Variants in SENP3 observed in about 807,000 individuals in gnomAD.
SENP3 encodes sentrin-specific protease 3.
Under a neutral mutation model 66.2 loss-of-function variants are expected in SENP3, and 11 were observed. The observed-to-expected ratio is 0.17, with a 90% CI of 0.10 to 0.28. The LOEUF (loss-of-function observed/expected upper bound fraction) is 0.28, where lower values mean the gene tolerates loss of function less well. Among genes scored for constraint, SENP3 ranks in the 10% least tolerant of loss-of-function variants. The pLI is 1.00. For missense variants in SENP3, 548 were observed against 743.7 expected, an observed-to-expected ratio of 0.74 and a Z score of 3.06; for synonymous variants, 292 against 277.6, an observed-to-expected ratio of 1.05 and a Z score of -0.52.
At position 7,570,992 on chromosome 17, in the gene SENP3, G is replaced by T; in HGVS notation, c.1614+59G>T. 6.7e-7 allele frequency: 1 copy of T among 1,503,344 alleles called. No individual in the cohort carries two copies. Among genetic ancestry groups the T allele is most frequent in the Non-Finnish European group, 9.1e-7 (1 of 1,093,446 alleles). 93.1% of individuals were successfully genotyped at this position (1,503,344 alleles called of 1,614,324 possible). A position where few individuals can be genotyped will look rare whatever the true frequency, so the allele number is the denominator to read the frequency against. On this transcript the variant is annotated intron_variant, in intron 10 of 10. Transcript: ENST00000321337. This position sits in a 1 kb window ranked among gnomAD's most constrained non-coding sequence, Gnocchi z 5.4. Reference sequence around the variant, plus strand: ...TGAAGTCAGTTGGGTTAAAGGGTCGGGAGGCTGTTATGCATCCCCTCATTT... The same window carrying T: ...TGAAGTCAGTTGGGTTAAAGGGTCGTGAGGCTGTTATGCATCCCCTCATTT...
rs1235119850 is a variant in SENP3 at position 7,570,456 on chromosome 17, T to G, written c.1442T>G (p.Phe481Cys). 6.2e-7 allele frequency: 1 copy of G among 1,613,546 alleles called. No homozygotes were observed. The highest frequency in any genetic ancestry group is 1.3e-5 in the African/African-American group (1 of 74,918). ...VDVRRRTITY[F>C]DSQRTLNRRC... is the part of the protein sequence containing the mutation. ...GTGAGGCGACGCACCATCACCTATT[T>G]TGACTCGCAGCGTACCCTAAACCGC... Residue 481 changes from phenylalanine to cysteine, a missense_variant, in exon 8 of 11, where the codon TTT becomes TGT. Phe to Cys is a radical substitution (Grantham distance 205). Around this residue, in one of 6 missense-constraint regions of SENP3, gnomAD observed 81 missense variants for 139.8 expected, o/e 0.58. Coordinates refer to ENST00000321337, the MANE Select transcript of SENP3 (RefSeq NM_015670.6). This position sits in a 1 kb window ranked among gnomAD's most constrained non-coding sequence, Gnocchi z 5.4.
At position 7,562,223 on chromosome 17, in the gene SENP3, C is replaced by T. The variant is rs943947158; in HGVS notation, c.-52C>T. On this transcript the variant is annotated 5_prime_UTR_variant, in exon 1 of 11. In the 5' UTR this introduces an upstream ATG that the reference lacks. Transcript: ENST00000321337. The surrounding 1 kb of genome is among the most constrained non-coding windows in gnomAD (Gnocchi z 5.0). ...GAGCCGGGAAGCTTGAGGCCGGAGA[C>T]GCCCGCCTTCGGGCCCGTCCGCCCG... is the stretch of plus-strand genomic sequence containing the variant. The T allele has an allele frequency of 4.3e-5, 17 of 398,474 alleles. No individual in the cohort carries two copies. The highest frequency in any genetic ancestry group is 6.2e-5 in the Non-Finnish European group (14 of 226,004). 24.7% of individuals were successfully genotyped at this position (398,474 alleles called of 1,614,324 possible). A position where few individuals can be genotyped will look rare whatever the true frequency, so the allele number is the denominator to read the frequency against.
intron 7 of SENP3, among the ~76,000 whole-genome samples, chr17:7,569,241 C>T (rs1007598824): frequency 4.0e-5 from 6 of 151,788 alleles, no homozygotes; most frequent in African/African-American, 1.5e-4. Flanking sequence ...AAAAATTAGC[C>T]GGGCGAGGTG....
In SENP3 at chr17:7,563,409, C is replaced by T. The variant is rs1329349125; in HGVS notation, c.333C>T (p.Pro111=). 1.5e-6 allele frequency: 1 copy of T among 676,952 alleles called. No homozygotes were observed. Among genetic ancestry groups the T allele is most frequent in the Non-Finnish European group, 2.4e-6 (1 of 410,970 alleles). 41.9% of individuals were successfully genotyped at this position (676,952 alleles called of 1,614,324 possible). ...RWSQLGTSQR[P]RPSRPTHRKT... Reference sequence around the variant, plus strand: ...GTCAGCTGGGAACCTCCCAGCGGCCCCGCCCTTCCCGCCCCACTCATCGAA... The same window carrying T: ...GTCAGCTGGGAACCTCCCAGCGGCCTCGCCCTTCCCGCCCCACTCATCGAA... Residue 111 remains proline (P), a synonymous_variant, in exon 2 of 11, where the codon CCC becomes CCT. Transcript: ENST00000321337.
At chr17:7,564,048 C>T (rs2071247104) in intron 2 of SENP3, among the ~76,000 whole-genome samples, 1 of 152,092 alleles carries the variant, frequency 6.6e-6, no homozygotes, top group South Asian at 2.1e-4. Context: ...TGGTCTTGAG[C>T]GCAGATGAGA....
In SENP3 at chr17:7,562,806, G is replaced by A. The variant is rs2071230662; in HGVS notation, c.-11-260G>A. On this transcript the variant is annotated intron_variant, in intron 1 of 10. Coordinates refer to ENST00000321337, the MANE Select transcript of SENP3 (RefSeq NM_015670.6). This position sits in a 1 kb window ranked among gnomAD's most constrained non-coding sequence, Gnocchi z 5.0. The stretch of plus-strand genomic sequence containing the variant: ...TGGCAGTGCTATTGGGTTTGGCCTG[G>A]TGATCTTAGAAATAAGATCTCTGAG... 6.6e-6 allele frequency among the ~76,000 whole-genome samples: 1 copy of A among 152,160 alleles called. No homozygotes were observed. Among genetic ancestry groups the A allele is most frequent in the Non-Finnish European group, 1.5e-5 (1 of 68,036 alleles).
rs2071329122 is a variant in SENP3 at position 7,571,918 on chromosome 17, T to TA, written c.*438dup. On this transcript the variant is annotated 3_prime_UTR_variant, in exon 11 of 11. Transcript: ENST00000321337. ...ATATATATATATATATAAAAATATA[T>TA]AAATGCCACGGTCCTGCTCTGGTCA... 1.7e-5 allele frequency: 1 copy of TA among 58,966 alleles called. No individual in the cohort carries two copies. Among genetic ancestry groups the TA allele is most frequent in the Non-Finnish European group, 3.4e-5 (1 of 29,216 alleles). 3.7% of individuals were successfully genotyped at this position (58,966 alleles called of 1,614,324 possible).
chr17:7,565,473 C>T lies in SENP3; in HGVS notation c.1101C>T (p.Tyr367=), dbSNP rs1430069440. Residue 367 remains tyrosine, a synonymous_variant, in exon 5 of 11, where the codon TAC becomes TAT. Transcript: ENST00000321337. ...TGGTGTTGCAGCTGATCCAGTCTTA[C>T]CAGCGGATGCCAGGCAATGCCATGG... ...KGLVLQLIQS[Y]QRMPGNAMVR... 9 of 1,613,802 alleles carry T rather than the reference C, an allele frequency of 5.6e-6. No individual in the cohort carries two copies. The highest frequency in any genetic ancestry group is 7.6e-6 in the Non-Finnish European group (9 of 1,179,830).
At chr17:7,567,880 C>T (rs183815427) in intron 7 of SENP3, among the ~76,000 whole-genome samples, 2 of 152,184 alleles carry the variant, frequency 1.3e-5, no homozygotes, top group South Asian at 2.1e-4. Context: ...TTTTAAACTC[C>T]TGTTTCAATG....
In SENP3 at chr17:7,566,918, T is replaced by C; in HGVS notation, c.1264-9T>C. Reference sequence around the variant, plus strand: ...AATTCCATTGAGCTTTTTTGTGTCATTGGCACAGGTGCATTTCTTCAATAG... The same window carrying C: ...AATTCCATTGAGCTTTTTTGTGTCACTGGCACAGGTGCATTTCTTCAATAG... On this transcript the variant is annotated splice_polypyrimidine_tract_variant and intron_variant, in intron 6 of 10. Transcript: ENST00000321337. The C allele has an allele frequency of 3.2e-6, 5 of 1,551,868 alleles. No individual in the cohort carries two copies. The highest frequency in any genetic ancestry group is 4.4e-6 in the Non-Finnish European group (5 of 1,144,440).
Position 7,570,815 on chromosome 17 carries a change from A to AG in SENP3, c.1563+53dup. 1.2e-6 allele frequency: 2 copies of AG among 1,602,740 alleles called. No homozygotes were observed. Among genetic ancestry groups the AG allele is most frequent in the Non-Finnish European group, 1.7e-6 (2 of 1,173,618 alleles). On this transcript the variant is annotated intron_variant, in intron 9 of 10. Transcript: ENST00000321337. The surrounding 1 kb of genome is among the most constrained non-coding windows in gnomAD (Gnocchi z 5.4). ...GGGTGTTGGTGGGGACAGTGGTAGA[A>AG]GGCAGAAATTGAAGTCCTACCCCTG...
chr17:7,566,866 A>G, intron 6 of SENP3, 61 bp from the exon 7 acceptor site: 2 of 1,191,694 alleles, frequency 1.7e-6, no homozygotes, highest in African/African-American at 1.5e-5. Flanking sequence ...AGGAGGGGAG[A>G]CTTAGTGGGA....
rs2150917490 is a variant in SENP3 at position 7,562,210 on chromosome 17, T to G, written c.-65T>G. The stretch of plus-strand genomic sequence containing the variant: ...TCGCCGGAGAGATGAGCCGGGAAGC[T>G]TGAGGCCGGAGACGCCCGCCTTCGG... On this transcript the variant is annotated 5_prime_UTR_variant, in exon 1 of 11. Transcript: ENST00000321337. This position sits in a 1 kb window ranked among gnomAD's most constrained non-coding sequence, Gnocchi z 5.0. The G allele has an allele frequency of 5.0e-6, 2 of 398,600 alleles. No individual in the cohort carries two copies. Among genetic ancestry groups the G allele is most frequent in the East Asian group, 7.1e-5 (2 of 28,066 alleles). 24.7% of individuals were successfully genotyped at this position (398,600 alleles called of 1,614,324 possible).
intron 2 of SENP3, 77 bp from the exon 3 acceptor site, chr17:7,564,548 T>G (rs2071252362): frequency 6.3e-7 from 1 of 1,574,986 alleles, no homozygotes; most frequent in Non-Finnish European, 8.6e-7. Flanking sequence ...TTTGCATGCA[T>G]GAGTCAACTG....
chr17:7,571,861 ATATATATATATATATATATATATATAT>A lies in SENP3; in HGVS notation c.*379_*405del, dbSNP rs1567731277. On this transcript the variant is annotated 3_prime_UTR_variant, in exon 11 of 11. Coordinates refer to ENST00000321337, the MANE Select transcript of SENP3 (RefSeq NM_015670.6). Reference sequence around the variant, plus strand: ...TTTATATATATATATATATATATATATATATATATATATATATATATATATATATATATATATATATATATATAAAAA... The same window carrying A: ...TTTATATATATATATATATATATATAATATATATATATATATATATAAAAA... The A allele has an allele frequency of 2.0e-4, 1 of 4,942 alleles. No individual in the cohort carries two copies. The highest frequency in any genetic ancestry group is 4.3e-4 in the African/African-American group (1 of 2,302). 0.3% of individuals were successfully genotyped at this position (4,942 alleles called of 1,614,324 possible).
Position 7,563,176 on chromosome 17 carries a change from T to C in SENP3, c.100T>C (p.Trp34Arg), listed in dbSNP as rs757913619. The C allele has an allele frequency of 1.3e-6, 2 of 1,563,200 alleles. No homozygotes were observed. Among genetic ancestry groups the C allele is most frequent in the African/African-American group, 1.4e-5 (1 of 73,632 alleles). Reference protein sequence around the residue: ...YSSPRRERLRWPPPPKPRLKS... With the variant: ...YSSPRRERLRRPPPPKPRLKS... ...AAGTCCCAGGCGGGAGCGTCTTCGT[T>C]GGCCCCCACCTCCCAAACCCCGACT... The change falls in exon 2 of 11, where the codon TGG becomes CGG. Residue 34 changes from tryptophan to arginine, a missense_variant. Trp to Arg is a moderately radical substitution (Grantham distance 101, BLOSUM62 -3). Around this residue, in one of 6 missense-constraint regions of SENP3, gnomAD observed 164 missense variants for 167.9 expected, o/e 0.98. Transcript: ENST00000321337.
chr17:7,562,954 T>A lies in SENP3; in HGVS notation c.-11-112T>A. On this transcript the variant is annotated intron_variant, in intron 1 of 10. Transcript: ENST00000321337. The surrounding 1 kb of genome is among the most constrained non-coding windows in gnomAD (Gnocchi z 5.0). Reference sequence around the variant, plus strand: ...CTTAAGTTAGGAGTTTTGCGTTTTTTCCTCTTTTCTTTATTTGCATCTGAA... The same window carrying A: ...CTTAAGTTAGGAGTTTTGCGTTTTTACCTCTTTTCTTTATTTGCATCTGAA... 2 of 1,308,596 alleles carry A rather than the reference T, an allele frequency of 1.5e-6. No individual in the cohort carries two copies. Among genetic ancestry groups the A allele is most frequent in the South Asian group, 4.8e-5 (2 of 41,324 alleles). The allele number at this position is 1,308,596 out of a possible 1,614,324, so 81.1% of individuals were successfully genotyped here. A position where few individuals can be genotyped will look rare whatever the true frequency, so the allele number is the denominator to read the frequency against.
chr17:7,564,713 C>G lies in SENP3; in HGVS notation c.804C>G (p.Ile268Met). Residue 268 changes from isoleucine to methionine, a missense_variant, in exon 3 of 11, where the codon ATC becomes ATG. Coordinates refer to ENST00000321337, the MANE Select transcript of SENP3 (RefSeq NM_015670.6). The part of the protein sequence containing the change: ...ERSLAPPDAS[I>M]LISNVCSIGD... ...GCTTGGCACCCCCTGATGCCAGCAT[C>G]CTCATCAGCAATGTGTGCAGCATCG... 2 of 1,614,056 alleles carry G rather than the reference C, an allele frequency of 1.2e-6. No homozygotes were observed. The highest frequency in any genetic ancestry group is 1.7e-6 in the Non-Finnish European group (2 of 1,179,900).
chr17:7,563,939 C>T, intron 2 of SENP3, 148 bp downstream of exon 2: 1 of 698,328 alleles, frequency 1.4e-6, no homozygotes, highest in Non-Finnish European at 2.3e-6. Flanking sequence ...TGCGAAATGT[C>T]TCCATTAAGC....
Sources: gnomAD v4.1 joint callset for allele counts (sites outside exome capture counted in the v4.1 genomes callset) on GRCh38, gnomAD v4.1.1 for gene constraint, gnomAD v4.1.1 regional missense constraint, Gnocchi (gnomAD v3.1) non-coding constraint, MANE v1.5 for transcripts, NCBI Gene and HGNC (gene_info 2026-07-23, HGNC 2026-07-21) for gene names.